Variants in SIGLEC6 observed in about 807,000 individuals in gnomAD.
SIGLEC6 encodes sialic acid binding Ig like lectin 6.
In SIGLEC6, 31 loss-of-function variants were observed where a neutral mutation model predicts 41.4. That is an observed-to-expected ratio of 0.75 (90% CI 0.56 to 1.01). SIGLEC6 has a LOEUF of 1.01. SIGLEC6 is among the 50% of genes least tolerant of loss of function. The pLI is 0.00. For missense variants in SIGLEC6, 555 were observed against 558.6 expected (o/e 0.99, Z 0.06); for synonymous variants, 217 against 231.0 (o/e 0.94, Z 0.55).
chr19:51,527,827 C>G lies in SIGLEC6; in HGVS notation c.1108G>C (p.Val370Leu), dbSNP rs376943791. Residue 370 changes from valine (V) to leucine (L), a missense_variant and splice_region_variant, in exon 7 of 8, where the codon GTG becomes CTG. Transcript: ENST00000425629. ...VFLCVCFIFR[V>L]KTRRKKAAQP... is the part of the protein sequence containing the mutation. ...GCTGCTTTCTTCCTTCTAGTCTTCA[C>G]TCTGAGGGAACAGCCCTAAGCCTTT... The G allele has an allele frequency of 6.8e-6, 11 of 1,613,924 alleles. No individual in the cohort carries two copies. Among genetic ancestry groups the G allele is most frequent in the Non-Finnish European group, 9.3e-6 (11 of 1,179,942 alleles).
rs1268502336 is a variant in SIGLEC6, at chr19:51,529,824, C to T, written c.912G>A (p.Leu304=). 19 of 1,614,072 alleles carry T rather than the reference C, an allele frequency of 1.2e-5. No individual in the cohort carries two copies. The highest frequency in any genetic ancestry group is 1.6e-5 in the Non-Finnish European group (19 of 1,180,036). ...CTGCAGACCCTACTTGAGGCAGCTCCAGGACCCCGGTATTGGAGATGGGGG... is the reference window on the plus strand; with the variant it reads ...CTGCAGACCCTACTTGAGGCAGCTCTAGGACCCCGGTATTGGAGATGGGGG... The part of the protein sequence containing the change: ...NATPISNTGV[L]ELPQVGSAEE... The change falls in exon 5 of 8, where the codon CTG becomes CTA. Residue 304 remains leucine, a synonymous_variant. Coordinates refer to ENST00000425629, the MANE Select transcript of SIGLEC6 (RefSeq NM_001245.7).
In SIGLEC6 at chr19:51,530,607, C is replaced by A. The variant is rs988921924; in HGVS notation, c.706+74G>T. 4.4e-6 allele frequency: 7 copies of A among 1,608,450 alleles called. No homozygotes were observed. In the African/African-American group the frequency reaches 5.4e-5, roughly 12 times the overall value. ...TCCTCTTTGGCAACCAGGTCCCCAA[C>A]TTTAAGCTCTGGCTCAGCCCTGCCC... On this transcript the variant is annotated intron_variant, in intron 3 of 7. Transcript: ENST00000425629.
At chr19:51,520,336 A>T in intron 7 of SIGLEC6, 81 bp from the exon 8 acceptor site, 1 of 795,076 alleles carries the variant, frequency 1.3e-6, no homozygotes, top group Non-Finnish European at 1.9e-6. Flanking sequence ...AGGGAGTAGA[A>T]CTGATGGAAC....
Position 51,531,490 on chromosome 19 carries a change from G to A in SIGLEC6, c.97C>T (p.Leu33=), listed in dbSNP as rs951936742. Residue 33 remains leucine (L), a synonymous_variant, in exon 2 of 8, where the codon CTG becomes TTG. Coordinates refer to ENST00000425629, the MANE Select transcript of SIGLEC6 (RefSeq NM_001245.7). ...GALAQERRFQ[L]EGPESLTVQE... ...ACCGTCAGTGACTCTGGCCCCTCCA[G>A]CTGGAATCTCCGCTCCTGAGCCAGG... 16 of 1,613,852 alleles carry A rather than the reference G, an allele frequency of 9.9e-6. No individual in the cohort carries two copies. The highest frequency in any genetic ancestry group is 1.1e-5 in the Non-Finnish European group (13 of 1,179,864).
rs1029897402 is a variant in SIGLEC6, at chr19:51,527,959, A to G, written c.1107-131T>C. On this transcript the variant is annotated intron_variant, in intron 6 of 7. Transcript: ENST00000425629. ...GTCCAGGTGCTCACATGAGCCCAAG[A>G]GTTGGACCACGGTTTCAAAGAGACC... 4.0e-6 allele frequency: 4 copies of G among 988,926 alleles called. No individual in the cohort carries two copies. In the African/African-American group the frequency reaches 6.5e-5, roughly 16 times the overall value. 61.3% of individuals were successfully genotyped at this position (988,926 alleles called of 1,614,324 possible).
At chr19:51,528,012 G>T in intron 6 of SIGLEC6, 148 bp downstream of exon 6, 1 of 876,678 alleles carries the variant, frequency 1.1e-6, no homozygotes, top group Non-Finnish European at 1.8e-6. Flanking sequence ...GGTCAACGGG[G>T]TAATTCACAC....
At chr19:51,527,654 C>T (rs1979463094) in intron 7 of SIGLEC6, 93 bp downstream of exon 7, 3 of 993,022 alleles carry the variant, frequency 3.0e-6, no homozygotes, top group Admixed American at 2.2e-5. Flanking sequence ...CAGGGAATGT[C>T]AGGTGTTAAT....
At chr19:51,522,922 G>C (rs953340852) in intron 7 of SIGLEC6, among the ~76,000 whole-genome samples, 2 of 152,124 alleles carry the variant, frequency 1.3e-5, no homozygotes, top group African/African-American at 2.4e-5. Context: ...TACTGCTTGA[G>C]CCCATGAGTT....
At chr19:51,530,525 G>C (rs1980090848) in intron 3 of SIGLEC6, 41 bp from the exon 4 acceptor site, 1 of 1,613,468 alleles carries the variant, frequency 6.2e-7, no homozygotes, top group African/African-American at 1.3e-5. Flanking sequence ...TCCCTGAGGA[G>C]GGATGGTAGG....
At chr19:51,523,346 T>A (rs10410468) in intron 7 of SIGLEC6, among the ~76,000 whole-genome samples, 2 of 151,938 alleles carry the variant, frequency 1.3e-5, no homozygotes, top group African/African-American at 4.8e-5. Context: ...TGGGACAATA[T>A]CAAGCATTCT....
Sources: gnomAD v4.1 joint callset for allele counts (sites outside exome capture counted in the v4.1 genomes callset) on GRCh38, gnomAD v4.1.1 for gene constraint, MANE v1.5 for transcripts, NCBI Gene and HGNC (gene_info 2026-07-23, HGNC 2026-07-21) for gene names.